The following CPSF3 variants were observed in gnomAD, a reference collection of about 807,000 sequenced individuals.
CPSF3 encodes the protein cleavage and polyadenylation specificity factor subunit 3.
Under a neutral mutation model 84.1 loss-of-function variants are expected in CPSF3, and 57 were observed. The ratio of observed to expected loss-of-function variants is 0.68; its 90% CI spans 0.55 to 0.85. The LOEUF (loss-of-function observed/expected upper bound fraction) is 0.85, where lower values mean the gene tolerates loss of function less well. Ranked by LOEUF, CPSF3 falls within the 40% of genes least tolerant of loss-of-function variation. The probability of loss-of-function intolerance (pLI) is 0.00; values close to 1 mark genes in which losing one functional copy is unlikely to be tolerated. For synonymous variants in CPSF3, 275 were observed against 278.1 expected (o/e 0.99, Z 0.11); for missense variants, 522 against 838.8 (o/e 0.62, Z 4.66).
chr2:9,469,892 C>G (rs1311251283), intron 16 of CPSF3, among the ~76,000 whole-genome samples: 1 of 152,138 alleles, frequency 6.6e-6, no homozygotes, highest in African/African-American at 2.4e-5. Flanking sequence ...TTTTTCCTAT[C>G]CTTTTGAATA....
At position 9,423,843 on chromosome 2, in the gene CPSF3, G is replaced by C; in HGVS notation, c.50+20G>C. On this transcript the variant is annotated intron_variant, in intron 1 of 17. Transcript: ENST00000238112. ...ACCCCTGTAAGGGACCAGCGAGAGA[G>C]GGAATGAAGCCACGGGCTGTGAGGG... The C allele has an allele frequency of 1.2e-6, 2 of 1,611,624 alleles. No homozygotes were observed. Among genetic ancestry groups the C allele is most frequent in the Non-Finnish European group, 1.7e-6 (2 of 1,179,040 alleles).
At chr2:9,424,406 C>T (rs1680265259) in intron 1 of CPSF3, 1 of 276,868 alleles carries the variant, frequency 3.6e-6, no homozygotes, top group South Asian at 1.3e-4. Context: ...AAAACTCAGC[C>T]CTCGACTGTC....
intron 10 of CPSF3, among the ~76,000 whole-genome samples, chr2:9,445,166 C>G (rs1336153072): frequency 6.6e-6 from 1 of 152,314 alleles, no homozygotes; most frequent in East Asian, 1.9e-4. Flanking sequence ...TCCCCATTCC[C>G]TTCCGCCAAC....
intron 16 of CPSF3, 40 bp downstream of exon 16, chr2:9,467,816 A>C: frequency 6.5e-7 from 1 of 1,527,842 alleles, no homozygotes; most frequent in East Asian, 2.3e-5. Context: ...AGACAGTGAC[A>C]GCGGCCGGAA....
chr2:9,467,620 C>G (rs1682020493), intron 15 of CPSF3, 87 bp from the exon 16 acceptor site: 1 of 932,496 alleles, frequency 1.1e-6, no homozygotes, highest in African/African-American at 1.7e-5. Flanking sequence ...TTTAACTTAT[C>G]AGTAACCAGA....
chr2:9,439,404 C>T (rs1228896662), intron 7 of CPSF3, among the ~76,000 whole-genome samples: 2 of 146,750 alleles, frequency 1.4e-5, no homozygotes, highest in African/African-American at 5.0e-5. Context: ...ACCCGGGAGG[C>T]GGAACTTGCA....
Position 9,436,232 on chromosome 2 carries a change from A to G in CPSF3, c.631A>G (p.Ile211Val). ...LIIESTYGTHIHEKREEREAR... is the reference protein window; with the variant it reads ...LIIESTYGTHVHEKREEREAR... ...TTAGGAATCTACTTATGGGACCCAT[A>G]TCCATGAGAAACGTGAAGAGCGAGA... Residue 211 changes from isoleucine (I) to valine (V), a missense_variant, in exon 7 of 18, where the codon ATC becomes GTC. Physicochemically the swap from Ile to Val is conservative, Grantham distance 29 (BLOSUM62 3). Around this residue, in one of 2 missense-constraint regions of CPSF3, gnomAD observed 329 missense variants for 607.2 expected, o/e 0.54. Transcript: ENST00000238112. The G allele has an allele frequency of 6.2e-7, 1 of 1,609,372 alleles. No individual in the cohort carries two copies. The highest frequency in any genetic ancestry group is 1.1e-5 in the South Asian group (1 of 90,256).
At chr2:9,462,596 C>T (rs557975374) in intron 15 of CPSF3, among the ~76,000 whole-genome samples, 18 of 152,310 alleles carry the variant, frequency 1.2e-4, no homozygotes, top group African/African-American at 4.3e-4. Flanking sequence ...ATAATCTCCA[C>T]ATAGCTCGTG....
intron 15 of CPSF3, 60 bp downstream of exon 15, chr2:9,459,678 C>T: frequency 1.5e-6 from 1 of 657,922 alleles, no homozygotes; most frequent in South Asian, 1.9e-5. Context: ...GAGACGGATA[C>T]TAGCTCTGTC....
In CPSF3 at chr2:9,453,456, A is replaced by T. The variant is rs1446824070; in HGVS notation, c.1504+435A>T. 3.9e-5 allele frequency among the ~76,000 whole-genome samples: 6 copies of T among 152,310 alleles called. No homozygotes were observed. In the South Asian group the frequency reaches 1.2e-3, roughly 32 times the overall value. On this transcript the variant is annotated intron_variant, in intron 12 of 17. Transcript: ENST00000238112. ...AAGGAGTAGGAACAAAAACTTGTAT[A>T]ATTTCTTTAAAAGCAAAAAAGTATT...
chr2:9,467,651 AT>A, intron 15 of CPSF3, 55 bp from the exon 16 acceptor site: 1 of 1,308,916 alleles, frequency 7.6e-7, no homozygotes, highest in East Asian at 2.3e-5. Flanking sequence ...TGATTTGGAA[AT>A]TATTCTGAAT....
At chr2:9,438,551 G>A (rs573823665) in intron 7 of CPSF3, among the ~76,000 whole-genome samples, 117 of 146,552 alleles carry the variant, frequency 8.0e-4, no homozygotes, top group Non-Finnish European at 1.1e-3. Flanking sequence ...CCAGGCTGGA[G>A]TGTGGTGGCG....
intron 1 of CPSF3, among the ~76,000 whole-genome samples, chr2:9,425,969 G>T (rs564496026): frequency 6.6e-6 from 1 of 152,142 alleles, no homozygotes; most frequent in African/African-American, 2.4e-5. Context: ...AGATTTGCCT[G>T]TTCTGGACAT....
chr2:9,427,996 A>ATT (rs1309022693), intron 1 of CPSF3, among the ~76,000 whole-genome samples: 6 of 141,538 alleles, frequency 4.2e-5, no homozygotes, highest in East Asian at 2.0e-4. Flanking sequence ...AAAAAAAAAA[A>ATT]TTTTTTTTTT....
chr2:9,432,318 G>A (rs1052480091), intron 4 of CPSF3, among the ~76,000 whole-genome samples, 193 bp from the exon 5 acceptor site: 1 of 149,978 alleles, frequency 6.7e-6, no homozygotes, highest in East Asian at 1.9e-4. Flanking sequence ...TTAAAATCAA[G>A]TTTTGTAGCT....
rs1194683927 is a variant in CPSF3 at position 9,452,897 on chromosome 2, TA to T, written c.1396-15del. 2.8e-5 allele frequency: 43 copies of T among 1,536,268 alleles called. No homozygotes were observed. The highest frequency in any genetic ancestry group is 3.5e-5 in the Non-Finnish European group (40 of 1,130,528). ...TTTACCAGGTTCTATTTTCTTCAAG[TA>T]TTTTTTTTTTACAGGTTATGGGATT... On this transcript the variant is annotated splice_polypyrimidine_tract_variant and intron_variant, in intron 11 of 17. Transcript: ENST00000238112.
intron 15 of CPSF3, among the ~76,000 whole-genome samples, chr2:9,464,146 A>G (rs1261381795): frequency 6.6e-6 from 1 of 152,188 alleles, no homozygotes; most frequent in Non-Finnish European, 1.5e-5. Flanking sequence ...GAAATCTTAT[A>G]TATTTTCAAA....
chr2:9,427,653 T>C (rs574048151), intron 1 of CPSF3, among the ~76,000 whole-genome samples: 1 of 152,212 alleles, frequency 6.6e-6, no homozygotes, highest in Non-Finnish European at 1.5e-5. Context: ...ATAGATCCAT[T>C]GCATGTCCAT....
chr2:9,433,801 G>A (rs1680678517), intron 5 of CPSF3, 70 bp from the exon 6 acceptor site: 1 of 1,047,682 alleles, frequency 9.5e-7, no homozygotes. Context: ...GATTTCATGA[G>A]TTTAATCTAT....
Sources: allele counts gnomAD v4.1 joint callset (sites outside exome capture counted in the v4.1 genomes callset), GRCh38; gene constraint gnomAD v4.1.1; regional missense constraint gnomAD v4.1.1; transcripts MANE v1.5; gene names NCBI Gene and HGNC (gene_info 2026-07-23, HGNC 2026-07-21).